The following ADA variants were observed in gnomAD, a reference collection of about 807,000 sequenced individuals.
The protein encoded by ADA is adenosine aminohydrolase.
Under a neutral mutation model 49.0 loss-of-function variants are expected in ADA, and 45 were observed. That is an observed-to-expected ratio of 0.92 (90% CI 0.72 to 1.18). ADA has a LOEUF of 1.18. ADA is among the 50% of genes most tolerant of loss of function. ADA has a pLI of 0.00. For missense variants in ADA, 445 were observed against 472.5 expected, an observed-to-expected ratio of 0.94 and a Z score of 0.54; for synonymous variants, 173 against 184.2, an observed-to-expected ratio of 0.94 and a Z score of 0.49.
chr20:44,621,276 T>A, intron 9 of ADA, 129 bp from the exon 10 acceptor site: 1 of 1,216,496 alleles, frequency 8.2e-7, no homozygotes, highest in Non-Finnish European at 1.2e-6. Flanking sequence ...CTGATCCTTG[T>A]GCAGAGGGGG....
Position 44,651,631 on chromosome 20 carries a change from T to A in ADA, c.-24A>T. 1 of 1,510,578 alleles carries A rather than the reference T, an allele frequency of 6.6e-7. No individual in the cohort carries two copies. 93.6% of individuals were successfully genotyped at this position (1,510,578 alleles called of 1,614,324 possible). A position where few individuals can be genotyped will look rare whatever the true frequency, so the allele number is the denominator to read the frequency against. On this transcript the variant is annotated 5_prime_UTR_variant, in exon 1 of 12. Coordinates refer to ENST00000372874, the MANE Select transcript of ADA (RefSeq NM_000022.4). ...ATGGTGCCCTCGTGCGCCCCGGCGCTGCTCCCTCCGCCGCCGCTCGGTGGG... is the reference window on the plus strand; with the variant it reads ...ATGGTGCCCTCGTGCGCCCCGGCGCAGCTCCCTCCGCCGCCGCTCGGTGGG...
intron 1 of ADA, among the ~76,000 whole-genome samples, chr20:44,637,043 T>A (rs2065487384): frequency 6.6e-6 from 1 of 152,122 alleles, no homozygotes; most frequent in Non-Finnish European, 1.5e-5. Context: ...TGACCTCAGG[T>A]GTCCACCCAC....
chr20:44,628,525 C>CAATA (rs3091476), intron 3 of ADA, among the ~76,000 whole-genome samples: 5,475 of 149,338 alleles, frequency 0.037, 139 homozygotes, highest in East Asian at 0.088. Flanking sequence ...GACTCTGTCT[C>CAATA]AATAAATAAA....
intron 2 of ADA, among the ~76,000 whole-genome samples, chr20:44,635,611 G>A (rs1256771384): frequency 6.6e-6 from 1 of 152,072 alleles, no homozygotes; most frequent in Non-Finnish European, 1.5e-5. Flanking sequence ...TAAGTCAAAA[G>A]ACAGGAGCCA....
intron 1 of ADA, among the ~76,000 whole-genome samples, chr20:44,645,109 G>A (rs567472140): frequency 1.4e-4 from 21 of 152,262 alleles, no homozygotes; most frequent in African/African-American, 4.8e-4. Flanking sequence ...GGGGCCAGGT[G>A]CGGTGGCTCA....
intron 2 of ADA, 111 bp downstream of exon 2, chr20:44,636,116 C>T: frequency 2.8e-6 from 3 of 1,061,692 alleles, no homozygotes; most frequent in Non-Finnish European, 4.3e-6. Context: ...GCTTGATTCC[C>T]ACAGGGAGAC....
intron 1 of ADA, among the ~76,000 whole-genome samples, chr20:44,648,652 G>T (rs942096899): frequency 6.6e-6 from 1 of 152,000 alleles, no homozygotes; most frequent in African/African-American, 2.4e-5. Context: ...CCCGTATCTT[G>T]TTTGCTACCT....
intron 5 of ADA, 128 bp from the exon 6 acceptor site, chr20:44,624,457 A>T (rs553651072): frequency 7.9e-7 from 1 of 1,268,880 alleles, no homozygotes; most frequent in East Asian, 2.4e-5. Flanking sequence ...GTGTCTTCAA[A>T]TCCTAACTGC....
At chr20:44,650,832 C>G (rs1445019434) in intron 1 of ADA, among the ~76,000 whole-genome samples, 3 of 152,170 alleles carry the variant, frequency 2.0e-5, no homozygotes, top group Admixed American at 6.5e-5. Context: ...CCCTGCTTGG[C>G]AGACTCCTGG....
intron 1 of ADA, among the ~76,000 whole-genome samples, chr20:44,638,278 A>T (rs3787360): frequency 0.15 from 22,105 of 152,250 alleles, 1,990 homozygotes; most frequent in South Asian, 0.25. Flanking sequence ...ATAGTTGTCA[A>T]CTAAAAGTCA....
intron 1 of ADA, among the ~76,000 whole-genome samples, chr20:44,639,086 A>T (rs923304394): frequency 6.6e-6 from 1 of 152,212 alleles, no homozygotes; most frequent in Non-Finnish European, 1.5e-5. Flanking sequence ...CTTTATCTGG[A>T]AAGCACACAG....
At chr20:44,620,229 A>G (rs541080500) in intron 11 of ADA, 70 bp downstream of exon 11, 160 of 1,332,594 alleles carry the variant, frequency 1.2e-4, no homozygotes, top group Middle Eastern at 2.4e-4. Context: ...GCATCTTGCT[A>G]GAAGTCCCAC....
chr20:44,620,260 G>A (rs1348057115), intron 11 of ADA, 39 bp downstream of exon 11: 5 of 1,553,562 alleles, frequency 3.2e-6, no homozygotes, highest in Non-Finnish European at 3.6e-6. Context: ...ACTGGGGCCA[G>A]GACAGGGCAA....
At chr20:44,620,453 G>C (rs984395767) in intron 10 of ADA, 52 bp from the exon 11 acceptor site, 1 of 1,473,774 alleles carries the variant, frequency 6.8e-7, no homozygotes, top group Non-Finnish European at 9.5e-7. Flanking sequence ...AAAGAAGGCA[G>C]CTCTTAGCAA....
At chr20:44,623,190 A>G in intron 6 of ADA, 112 bp from the exon 7 acceptor site, 8 of 1,498,228 alleles carry the variant, frequency 5.3e-6, no homozygotes, top group Non-Finnish European at 7.3e-6. Context: ...CTGCTTCAAC[A>G]GCATGGGGAA....
At chr20:44,625,934 C>A (rs2065378704) in intron 4 of ADA, among the ~76,000 whole-genome samples, 1 of 152,196 alleles carries the variant, frequency 6.6e-6, no homozygotes, top group Admixed American at 6.5e-5. Flanking sequence ...TCCCCACCCC[C>A]AGATGGACAG....
chr20:44,620,183 C>A, intron 11 of ADA, 116 bp downstream of exon 11: 1 of 951,982 alleles, frequency 1.1e-6, no homozygotes, highest in South Asian at 1.3e-5. Context: ...ACCAGGGAGT[C>A]ATCACACATT....
chr20:44,633,154 A>C (rs1350031445), intron 2 of ADA, among the ~76,000 whole-genome samples: 1 of 152,126 alleles, frequency 6.6e-6, no homozygotes, highest in African/African-American at 2.4e-5. Context: ...GGTCAAGTCC[A>C]TCTCCCACCC....
At chr20:44,646,050 C>T (rs1477291280) in intron 1 of ADA, among the ~76,000 whole-genome samples, 4 of 152,138 alleles carry the variant, frequency 2.6e-5, no homozygotes, top group African/African-American at 4.8e-5. Flanking sequence ...CCCAGCCAGA[C>T]CATGGTCCTA....
Sources: gnomAD v4.1 joint callset for allele counts (sites outside exome capture counted in the v4.1 genomes callset) on GRCh38, gnomAD v4.1.1 for gene constraint, MANE v1.5 for transcripts, NCBI Gene and HGNC (gene_info 2026-07-23, HGNC 2026-07-21) for gene names.